The following DNAH3 variants were observed in gnomAD, a reference collection of about 807,000 sequenced individuals.
DNAH3 encodes the protein dynein axonemal heavy chain 3, also known as axonemal beta dynein heavy chain 3.
Under a neutral mutation model 432.5 loss-of-function variants are expected in DNAH3, and 332 were observed. The observed-to-expected ratio is 0.77, with a 90% CI of 0.70 to 0.84. DNAH3 has a LOEUF of 0.84. Ranked by LOEUF, DNAH3 falls within the 40% of genes least tolerant of loss-of-function variation. The probability of loss-of-function intolerance (pLI) is 0.00; values close to 1 mark genes in which losing one functional copy is unlikely to be tolerated. For synonymous variants in DNAH3, 1,956 were observed against 1,900.2 expected, an observed-to-expected ratio of 1.03 and a Z score of -0.76; for missense variants, 4,861 against 5,114.0, an observed-to-expected ratio of 0.95 and a Z score of 1.51.
intron 41 of DNAH3, among the ~76,000 whole-genome samples, chr16:21,013,820 C>G: frequency 6.6e-6 from 1 of 151,350 alleles, no homozygotes; most frequent in Non-Finnish European, 1.5e-5. Flanking sequence ...CAACTTTATG[C>G]CAACAAATTT....
chr16:21,127,654 T>C (rs373581168), intron 8 of DNAH3, 33 bp downstream of exon 9: 6 of 1,611,158 alleles, frequency 3.7e-6, no homozygotes, highest in South Asian at 1.1e-5. Context: ...TAAGATACCA[T>C]GGTGCAGCCC....
intron 59 of DNAH3, 132 bp downstream of exon 59, chr16:20,941,256 TCCTATTCACAGCC>T (rs1215542551): frequency 8.2e-6 from 7 of 848,816 alleles, no homozygotes; most frequent in Non-Finnish European, 5.6e-6. Context: ...CTGGGGATGG[TCCTATTCACAGCC>T]CCTATTCACA....
chr16:21,129,026 C>T (rs1189350282), intron 7 of DNAH3, among the ~76,000 whole-genome samples: 1 of 152,142 alleles, frequency 6.6e-6, no homozygotes, highest in Non-Finnish European at 1.5e-5. Context: ...ATTCTATCTG[C>T]TCCAAACCCT....
intron 44 of DNAH3, among the ~76,000 whole-genome samples, chr16:20,994,063 A>T (rs921886589): frequency 2.0e-5 from 3 of 151,976 alleles, no homozygotes; most frequent in Non-Finnish European, 2.9e-5. Flanking sequence ...CAGACACTTC[A>T]TGTTGGATTT....
chr16:21,097,549 C>G, intron 17 of DNAH3, 50 bp from the exon 18 acceptor site: 1 of 1,603,796 alleles, frequency 6.2e-7, no homozygotes, highest in Non-Finnish European at 8.5e-7. Flanking sequence ...TTCTCCTAAG[C>G]CCTCGAAGAC....
exon 53 of DNAH3, chr16:20,963,668 G>A (rs1339736360): frequency 6.2e-7 from 1 of 1,613,868 alleles, no homozygotes; most frequent in African/African-American, 1.3e-5. Flanking sequence ...TTGGGGTAGG[G>A]GTTATCCAGT....
At chr16:21,042,128 T>G (rs771336284) in exon 32 of DNAH3, 1 of 1,613,584 alleles carries the variant, frequency 6.2e-7, no homozygotes, top group Non-Finnish European at 8.5e-7. Flanking sequence ...CCTTCAAAGA[T>G]GAATGTCTTT....
intron 11 of DNAH3, among the ~76,000 whole-genome samples, chr16:21,118,421 T>C (rs2092258306): frequency 6.6e-6 from 1 of 151,768 alleles, no homozygotes; most frequent in African/African-American, 2.4e-5. Flanking sequence ...ATTCATACTC[T>C]CTAACTTCTT....
At chr16:21,084,659 A>T (rs1235924812) in intron 19 of DNAH3, among the ~76,000 whole-genome samples, 3 of 152,044 alleles carry the variant, frequency 2.0e-5, no homozygotes, top group Admixed American at 2.0e-4. Flanking sequence ...TTTTTTAAAT[A>T]GATGGGTCAC....
chr16:21,012,275 C>T (rs931359581), intron 41 of DNAH3, among the ~76,000 whole-genome samples: 5 of 152,004 alleles, frequency 3.3e-5, no homozygotes, highest in Admixed American at 6.6e-5. Context: ...TCCTTGCTGA[C>T]GGAAAGGATG....
intron 1 of DNAH3, 138 bp downstream of exon 2, chr16:21,150,152 G>A (rs1597497737): frequency 2.2e-5 from 8 of 361,404 alleles, no homozygotes; most frequent in Middle Eastern, 9.5e-4. Flanking sequence ...TTGAACCCAG[G>A]AGGCGGAGGT....
At chr16:21,091,823 A>G (rs76502758) in intron 18 of DNAH3, among the ~76,000 whole-genome samples, 1 of 149,820 alleles carries the variant, frequency 6.7e-6, no homozygotes, top group Non-Finnish European at 1.5e-5. Context: ...CTCAAAAAAG[A>G]AAAAAAAAAG....
At chr16:20,988,584 C>A (rs568208270) in intron 44 of DNAH3, among the ~76,000 whole-genome samples, 3 of 152,124 alleles carry the variant, frequency 2.0e-5, no homozygotes, top group Admixed American at 6.6e-5. Flanking sequence ...TGATTGCAGG[C>A]ATGAGACACC....
chr16:21,158,098 T>G (rs955970832), intron 1 of DNAH3, among the ~76,000 whole-genome samples: 6 of 152,206 alleles, frequency 3.9e-5, no homozygotes, highest in African/African-American at 1.4e-4. Context: ...CTGCTCCGAC[T>G]TGGATCCATG....
chr16:21,067,232 C>T, intron 24 of DNAH3, 51 bp downstream of exon 24: 5 of 1,602,338 alleles, frequency 3.1e-6, no homozygotes, highest in Non-Finnish European at 4.3e-6. Context: ...GTAATTCTAC[C>T]TACATATGGG....
chr16:21,038,274 G>A (rs1046974824), intron 33 of DNAH3, among the ~76,000 whole-genome samples: 2 of 152,230 alleles, frequency 1.3e-5, no homozygotes, highest in African/African-American at 2.4e-5. Context: ...GCTGAGGCAG[G>A]AGGATCGCTT....
At chr16:20,999,177 C>T (rs1470399683) in intron 43 of DNAH3, among the ~76,000 whole-genome samples, 3 of 151,594 alleles carry the variant, frequency 2.0e-5, no homozygotes, top group Non-Finnish European at 4.4e-5. Context: ...ATCACTTGGG[C>T]CCAGGAGTTG....
intron 1 of DNAH3, among the ~76,000 whole-genome samples, chr16:21,155,027 G>C (rs932783513): frequency 2.1e-5 from 3 of 145,708 alleles, no homozygotes. Flanking sequence ...TCGGCTCACT[G>C]TAACCTCCAC....
intron 25 of DNAH3, among the ~76,000 whole-genome samples, chr16:21,060,813 T>C (rs2152751704): frequency 6.7e-6 from 1 of 148,320 alleles, no homozygotes; most frequent in East Asian, 2.0e-4. Flanking sequence ...TGTGAACCAC[T>C]GCGCCTGGTC....
Sources: gnomAD v4.1 joint callset for allele counts (sites outside exome capture counted in the v4.1 genomes callset) on GRCh38, gnomAD v4.1.1 for gene constraint, MANE v1.5 for transcripts, NCBI Gene and HGNC (gene_info 2026-07-23, HGNC 2026-07-21) for gene names.